RBPMS2: variants seen among roughly 807,000 people sequenced by gnomAD.
RBPMS2 encodes RNA-binding protein with multiple splicing 2.
In RBPMS2, 14 loss-of-function variants were observed where a neutral mutation model predicts 25.7. That is an observed-to-expected ratio of 0.55 (90% CI 0.36 to 0.85). RBPMS2 has a LOEUF of 0.85. Ranked by LOEUF, RBPMS2 falls within the 40% of genes least tolerant of loss-of-function variation. The pLI, the probability that RBPMS2 is intolerant of heterozygous loss-of-function variation, is 0.01. For synonymous variants in RBPMS2, 127 were observed against 115.6 expected (o/e 1.10, Z -0.63); for missense variants, 252 against 283.4 (o/e 0.89, Z 0.80).
intron 6 of RBPMS2, 63 bp downstream of exon 6, chr15:64,748,356 C>T (rs942289560): frequency 1.9e-6 from 3 of 1,544,108 alleles, no homozygotes; most frequent in Admixed American, 3.6e-5. Flanking sequence ...TGGCCAGGCA[C>T]ATGCAAAGTC....
In RBPMS2 at chr15:64,749,477, A is replaced by ATCACAAAACC; in HGVS notation, c.211_220dup (p.Ile74ArgfsTer6). On this transcript the variant is annotated frameshift_variant, in exon 4 of 8. Coordinates refer to ENST00000300069, the MANE Select transcript of RBPMS2 (RefSeq NM_194272.3). LOFTEE classifies it high-confidence loss of function. ...TTCTGCTCCTGCACGGCTGTCAAAG[A>ATCACAAAACC]TCACAAAACCAACAGGCTAGTAGGA... 1 of 1,613,344 alleles carries ATCACAAAACC rather than the reference A, an allele frequency of 6.2e-7. No homozygotes were observed. Among genetic ancestry groups the ATCACAAAACC allele is most frequent in the Non-Finnish European group, 8.5e-7 (1 of 1,179,896 alleles).
At chr15:64,774,732 A>AGCCGGCCGGCCGACCG (rs146916271) in intron 1 of RBPMS2, among the ~76,000 whole-genome samples, 4 of 147,066 alleles carry the variant, frequency 2.7e-5, no homozygotes, top group Non-Finnish European at 4.5e-5. Flanking sequence ...GGAACCGAGG[A>AGCCGGCCGGCCGACCG]GCCGGCCGGC....
At chr15:64,753,647 C>T (rs1567066154) in intron 1 of RBPMS2, among the ~76,000 whole-genome samples, 1 of 152,152 alleles carries the variant, frequency 6.6e-6, no homozygotes, top group Non-Finnish European at 1.5e-5. Flanking sequence ...TTTTGCCAAG[C>T]CCATTCAGCA....
At chr15:64,774,763 G>C (rs1010580034) in intron 1 of RBPMS2, among the ~76,000 whole-genome samples, 1 of 147,958 alleles carries the variant, frequency 6.8e-6, no homozygotes, top group African/African-American at 2.5e-5. Flanking sequence ...AAGGTCACGG[G>C]GAGGGGGTCA....
chr15:64,741,037 G>A (rs538357959), intron 7 of RBPMS2, 37 bp from the exon 8 acceptor site: 7 of 629,720 alleles, frequency 1.1e-5, no homozygotes, highest in East Asian at 2.8e-5. Context: ...GAGCAGAGGC[G>A]TGGGACTAGA....
chr15:64,741,260 G>T lies in RBPMS2; in HGVS notation c.568-18C>A, dbSNP rs760186159. Reference sequence around the variant, plus strand: ...CAGCGCACCTGCAAGAGAAGCCAACGTCAGGAGCCAGCTGTGCATCCCTTC... The same window carrying T: ...CAGCGCACCTGCAAGAGAAGCCAACTTCAGGAGCCAGCTGTGCATCCCTTC... On this transcript the variant is annotated intron_variant, in intron 6 of 7. Coordinates refer to ENST00000300069, the MANE Select transcript of RBPMS2 (RefSeq NM_194272.3). The T allele has an allele frequency of 6.3e-7, 1 of 1,577,596 alleles. No homozygotes were observed. Among genetic ancestry groups the T allele is most frequent in the Non-Finnish European group, 8.6e-7 (1 of 1,160,598 alleles).
chr15:64,765,929 G>A (rs7182488), intron 1 of RBPMS2, among the ~76,000 whole-genome samples: 112,489 of 151,466 alleles, frequency 0.74, 45,437 homozygotes, highest in East Asian at 0.96. Context: ...GGAGGCGGAG[G>A]TTGCAGTGAG....
intron 1 of RBPMS2, chr15:64,761,186 C>CG (rs1319468645): frequency 1.3e-5 from 2 of 152,094 alleles, no homozygotes; most frequent in African/African-American, 4.8e-5. Flanking sequence ...CTGCTTCGAG[C>CG]GAGCTCTCCC....
At chr15:64,774,204 G>A (rs1441185629) in intron 1 of RBPMS2, among the ~76,000 whole-genome samples, 1 of 152,204 alleles carries the variant, frequency 6.6e-6, no homozygotes, top group African/African-American at 2.4e-5. Context: ...CAAGGGGAAG[G>A]GCGCCCAAGG....
In RBPMS2 at chr15:64,775,308, C is replaced by T. The variant is rs2083923222; in HGVS notation, c.12G>A (p.Leu4=). 1 of 1,345,570 alleles carries T rather than the reference C, an allele frequency of 7.4e-7. No homozygotes were observed. The highest frequency in any genetic ancestry group is 3.3e-5 in the East Asian group (1 of 30,566). 83.4% of individuals were successfully genotyped at this position (1,345,570 alleles called of 1,614,324 possible). MSN[L]KPDGEHGGST... ...TGCCGCCGTGCTCGCCGTCCGGCTTCAGGTTGCTCATGGTGCGGGGGAGGG... is the reference window on the plus strand; with the variant it reads ...TGCCGCCGTGCTCGCCGTCCGGCTTTAGGTTGCTCATGGTGCGGGGGAGGG... The change falls in exon 1 of 8, where the codon CTG becomes CTA. Residue 4 remains leucine, a synonymous_variant. Transcript: ENST00000300069.
intron 1 of RBPMS2, chr15:64,761,071 G>C (rs889216795): frequency 6.7e-6 from 1 of 148,858 alleles, no homozygotes; most frequent in Non-Finnish European, 1.5e-5. Flanking sequence ...CAACCCTTTA[G>C]CATCTCTAAA....
At chr15:64,747,624 C>T (rs145840335) in intron 6 of RBPMS2, among the ~76,000 whole-genome samples, 3 of 152,310 alleles carry the variant, frequency 2.0e-5, no homozygotes, top group Non-Finnish European at 2.9e-5. Flanking sequence ...CCCCGACACA[C>T]GCACAGTGGG....
intron 3 of RBPMS2, among the ~76,000 whole-genome samples, chr15:64,749,955 A>G (rs2083659879): frequency 6.6e-6 from 1 of 152,016 alleles, no homozygotes; most frequent in African/African-American, 2.4e-5. Flanking sequence ...GACCCCAAAT[A>G]GCCCCCAAAG....
At chr15:64,755,275 C>T (rs1420772906) in intron 1 of RBPMS2, among the ~76,000 whole-genome samples, 1 of 152,146 alleles carries the variant, frequency 6.6e-6, no homozygotes, top group African/African-American at 2.4e-5. Context: ...TACCCCACAG[C>T]TCCCATCCTG....
intron 1 of RBPMS2, among the ~76,000 whole-genome samples, chr15:64,769,424 C>CAA (rs11311509): frequency 9.1e-4 from 80 of 87,784 alleles, no homozygotes; most frequent in Non-Finnish European, 1.3e-3. Flanking sequence ...AACTCCGTCT[C>CAA]AAAAAAAAAA....
At chr15:64,758,310 C>T (rs1486463718) in intron 1 of RBPMS2, among the ~76,000 whole-genome samples, 1 of 152,186 alleles carries the variant, frequency 6.6e-6, no homozygotes, top group Non-Finnish European at 1.5e-5. Flanking sequence ...AAAAAGTCAC[C>T]CTTATGGCAA....
chr15:64,755,636 G>C (rs2083725939), intron 1 of RBPMS2, among the ~76,000 whole-genome samples: 1 of 152,256 alleles, frequency 6.6e-6, no homozygotes, highest in East Asian at 1.9e-4. Flanking sequence ...CGTCATGGGT[G>C]GGTAAGTGCT....
intron 2 of RBPMS2, among the ~76,000 whole-genome samples, chr15:64,751,311 C>T (rs559640561): frequency 1.4e-5 from 2 of 147,778 alleles, no homozygotes; most frequent in African/African-American, 2.5e-5. Context: ...CTAGCCTGGG[C>T]GGCAGAGCAA....
intron 1 of RBPMS2, among the ~76,000 whole-genome samples, chr15:64,767,091 AC>A (rs1420610183): frequency 6.6e-6 from 1 of 151,408 alleles, no homozygotes; most frequent in Non-Finnish European, 1.5e-5. Context: ...TCGGTTTTTT[AC>A]TTTTTTTTTC....
Sources: allele counts gnomAD v4.1 joint callset (sites outside exome capture counted in the v4.1 genomes callset), GRCh38; gene constraint gnomAD v4.1.1; transcripts MANE v1.5; gene names NCBI Gene and HGNC (gene_info 2026-07-23, HGNC 2026-07-21).